KCNJ6: variants seen among roughly 807,000 people sequenced by gnomAD.
KCNJ6 encodes the protein G protein-activated inward rectifier potassium channel 2.
A neutral mutation model predicts 34.2 loss-of-function variants in KCNJ6; 9 were observed. That is an observed-to-expected ratio of 0.26 (90% confidence interval 0.16 to 0.46). The LOEUF is 0.46. Ranked by LOEUF, KCNJ6 falls within the 20% of genes least tolerant of loss-of-function variation. The pLI is 1.00. For missense variants in KCNJ6, 236 were observed against 531.3 expected (o/e 0.44, Z 5.46); for synonymous variants, 196 against 207.1 (o/e 0.95, Z 0.46).
chr21:37,659,090 T>C (rs1332396470), intron 3 of KCNJ6, among the ~76,000 whole-genome samples: 1 of 152,246 alleles, frequency 6.6e-6, no homozygotes, highest in Non-Finnish European at 1.5e-5. Flanking sequence ...AGGGCTTCAG[T>C]TGCTAAGAAC....
intron 3 of KCNJ6, among the ~76,000 whole-genome samples, chr21:37,669,996 T>G (rs1378253112): frequency 1.3e-5 from 2 of 152,230 alleles, no homozygotes; most frequent in African/African-American, 4.8e-5. Context: ...TCTTACAGCT[T>G]TTGCTCCTCT....
chr21:37,849,856 T>C (rs979970206), intron 1 of KCNJ6, among the ~76,000 whole-genome samples: 4 of 152,164 alleles, frequency 2.6e-5, no homozygotes, highest in African/African-American at 9.7e-5. Flanking sequence ...TCAGAGGAAA[T>C]AGTCTTGACA....
chr21:37,773,101 G>C (rs2055125076), intron 2 of KCNJ6, among the ~76,000 whole-genome samples: 1 of 152,140 alleles, frequency 6.6e-6, no homozygotes, highest in Non-Finnish European at 1.5e-5. Context: ...GTTATACTGT[G>C]GCCTGTATAC....
At chr21:37,742,822 G>C (rs1204235453) in intron 2 of KCNJ6, among the ~76,000 whole-genome samples, 1 of 152,194 alleles carries the variant, frequency 6.6e-6, no homozygotes, top group Non-Finnish European at 1.5e-5. Context: ...ATCAAGTCCA[G>C]GCTCCCAGCA....
At chr21:37,820,424 G>C (rs2055368291) in intron 2 of KCNJ6, among the ~76,000 whole-genome samples, 2 of 152,188 alleles carry the variant, frequency 1.3e-5, no homozygotes, top group Admixed American at 6.5e-5. Flanking sequence ...CCTGGAGTTA[G>C]ACTTCACAGA....
At chr21:37,847,466 G>T (rs184095416) in intron 1 of KCNJ6, among the ~76,000 whole-genome samples, 3 of 152,314 alleles carry the variant, frequency 2.0e-5, no homozygotes, top group Admixed American at 6.5e-5. Context: ...AATGAAGGCC[G>T]TTCATGCTGA....
chr21:37,704,657 G>GTTGTCATCATCATCATCATCATCA (rs1556021699), intron 3 of KCNJ6, among the ~76,000 whole-genome samples: 1 of 72,804 alleles, frequency 1.4e-5, no homozygotes, highest in Non-Finnish European at 3.4e-5. Flanking sequence ...AGTATGAGTC[G>GTTGTCATCATCATCATCATCATCA]TCGTCATCAT....
intron 2 of KCNJ6, among the ~76,000 whole-genome samples, chr21:37,758,802 T>C (rs2055045114): frequency 6.6e-6 from 1 of 152,134 alleles, no homozygotes; most frequent in South Asian, 2.1e-4. Context: ...GCCTACTTTT[T>C]TGTTTTTTTG....
At position 37,673,477 on chromosome 21, in the gene KCNJ6, G is replaced by A. The variant is rs554298071; in HGVS notation, c.946+40734C>T. Among the ~76,000 whole-genome samples, 3 of 152,246 alleles carry A rather than the reference G, an allele frequency of 2.0e-5. No homozygotes were observed. In the East Asian group the frequency reaches 5.8e-4, roughly 29 times the overall value. On this transcript the variant is annotated intron_variant, in intron 3 of 3. Coordinates refer to ENST00000609713, the MANE Select transcript of KCNJ6 (RefSeq NM_002240.5). Reference sequence around the variant, plus strand: ...CCAGGCTTCCTTTTCTCAGGGATAGGATTTGTCTCTCAGCTTCAGAAATGA... The same window carrying A: ...CCAGGCTTCCTTTTCTCAGGGATAGAATTTGTCTCTCAGCTTCAGAAATGA...
intron 1 of KCNJ6, among the ~76,000 whole-genome samples, chr21:37,842,125 A>AT (rs1451585063): frequency 2.0e-5 from 3 of 152,176 alleles, no homozygotes; most frequent in African/African-American, 7.2e-5. Context: ...TTATCTTGTT[A>AT]TTTTACACTG....
At chr21:37,713,210 C>A (rs375715279) in intron 3 of KCNJ6, among the ~76,000 whole-genome samples, 65 of 152,046 alleles carry the variant, frequency 4.3e-4, no homozygotes, top group Admixed American at 2.0e-4. Context: ...AACATGGGGC[C>A]AGCCTGCTGG....
chr21:37,732,219 C>A (rs2054889181), intron 2 of KCNJ6, among the ~76,000 whole-genome samples: 1 of 152,164 alleles, frequency 6.6e-6, no homozygotes, highest in South Asian at 2.1e-4. Flanking sequence ...AGAAGATGGG[C>A]CCCTCCCTGT....
At chr21:37,774,612 T>A (rs1359489527) in intron 2 of KCNJ6, among the ~76,000 whole-genome samples, 1 of 148,592 alleles carries the variant, frequency 6.7e-6, no homozygotes, top group Non-Finnish European at 1.5e-5. Flanking sequence ...TTGCTTTTTG[T>A]CCTTGCCATA....
chr21:37,777,309 A>G (rs1488344111), intron 2 of KCNJ6, among the ~76,000 whole-genome samples: 1 of 152,106 alleles, frequency 6.6e-6, no homozygotes, highest in Non-Finnish European at 1.5e-5. Flanking sequence ...TTTATCAAAC[A>G]GGGGCATTTC....
intron 2 of KCNJ6, among the ~76,000 whole-genome samples, chr21:37,810,185 C>T (rs1298689957): frequency 6.6e-6 from 1 of 152,162 alleles, no homozygotes; most frequent in Non-Finnish European, 1.5e-5. Context: ...TTATACATAA[C>T]ACCCTTTTCA....
At chr21:37,766,731 G>A (rs868258794) in intron 2 of KCNJ6, among the ~76,000 whole-genome samples, 1 of 152,176 alleles carries the variant, frequency 6.6e-6, no homozygotes, top group Non-Finnish European at 1.5e-5. Flanking sequence ...CGTGGGCCAT[G>A]AACCAGTGCT....
chr21:37,845,568 T>C (rs1039344460), intron 1 of KCNJ6, among the ~76,000 whole-genome samples: 1 of 152,168 alleles, frequency 6.6e-6, no homozygotes, highest in African/African-American at 2.4e-5. Flanking sequence ...ACAGGACTGT[T>C]TGAGGAACAA....
intron 3 of KCNJ6, among the ~76,000 whole-genome samples, chr21:37,712,545 CCT>C (rs1292090818): frequency 2.0e-4 from 18 of 89,706 alleles, no homozygotes; most frequent in Non-Finnish European, 1.5e-4. Flanking sequence ...CCTCCCTCCT[CCT>C]CCCTCCCTCC....
chr21:37,716,911 G>C (rs950286423), intron 2 of KCNJ6, among the ~76,000 whole-genome samples: 1 of 150,792 alleles, frequency 6.6e-6, no homozygotes, highest in Admixed American at 6.6e-5. Flanking sequence ...TGTGTCGTTT[G>C]ACTCTGCCAT....
Sources: allele counts gnomAD v4.1 joint callset (sites outside exome capture counted in the v4.1 genomes callset), GRCh38; gene constraint gnomAD v4.1.1; transcripts MANE v1.5; gene names NCBI Gene and HGNC (gene_info 2026-07-23, HGNC 2026-07-21).